The following MTCL1 variants were observed in gnomAD, a reference collection of about 807,000 sequenced individuals.
The protein encoded by MTCL1 is microtubule cross-linking factor 1.
MTCL1 carries 79 observed loss-of-function variants against 141.4 expected under a neutral mutation model. The ratio of observed to expected loss-of-function variants is 0.56; its 90% CI spans 0.47 to 0.67. The LOEUF (loss-of-function observed/expected upper bound fraction) is 0.67. MTCL1 is among the 30% of genes least tolerant of loss of function. The pLI is 0.00. For missense variants in MTCL1, 2,177 were observed against 2,113.9 expected, an observed-to-expected ratio of 1.03 and a Z score of -0.59; for synonymous variants, 914 against 875.8, an observed-to-expected ratio of 1.04 and a Z score of -0.77.
chr18:8,725,153 TAAC>T (rs1473818892), intron 4 of MTCL1, among the ~76,000 whole-genome samples: 1 of 151,940 alleles, frequency 6.6e-6, no homozygotes, highest in African/African-American at 2.4e-5. Flanking sequence ...TAGACACAAA[TAAC>T]AACTAGCCAG....
upstream of MTCL1, among the ~76,000 whole-genome samples, chr18:8,715,484 G>A (rs1184080113): frequency 6.6e-6 from 1 of 152,198 alleles, no homozygotes; most frequent in Non-Finnish European, 1.5e-5. Flanking sequence ...ATTTGTATGT[G>A]TGGATATACA....
At chr18:8,774,248 T>C (rs1473483719) in intron 4 of MTCL1, among the ~76,000 whole-genome samples, 2 of 117,556 alleles carry the variant, frequency 1.7e-5, no homozygotes, top group Non-Finnish European at 3.6e-5. Flanking sequence ...CACACACTCT[T>C]TTCGAATGTG....
intron 11 of MTCL1, chr18:8,809,646 AGTGGCCGGGCCTG>A (rs2076414229): frequency 1.3e-6 from 2 of 1,516,626 alleles, no homozygotes; most frequent in Non-Finnish European, 1.8e-6. Flanking sequence ...GCAAGTAGAG[AGTGGCCGGGCCTG>A]GTGGCCGGTT....
Position 8,793,236 on chromosome 18 carries a change from C to T in MTCL1, c.2010+116C>T. Reference sequence around the variant, plus strand: ...TCTGTTGCGTACAGGCTGCTAGACTCCTGGGCACGTATGGAAAGGTCACCC... The same window carrying T: ...TCTGTTGCGTACAGGCTGCTAGACTTCTGGGCACGTATGGAAAGGTCACCC... On this transcript the variant is annotated intron_variant, in intron 8 of 16. Coordinates refer to ENST00000359865, the Ensembl canonical transcript of MTCL1. 4 of 1,458,310 alleles carry T rather than the reference C, an allele frequency of 2.7e-6. No individual in the cohort carries two copies. The South Asian group carries it at 3.8e-5, about 14-fold the overall frequency. 90.3% of individuals were successfully genotyped at this position (1,458,310 alleles called of 1,614,324 possible). A position where few individuals can be genotyped will look rare whatever the true frequency, so the allele number is the denominator to read the frequency against.
intron 4 of MTCL1, among the ~76,000 whole-genome samples, chr18:8,761,672 G>A (rs1216968585): frequency 6.6e-6 from 1 of 152,216 alleles, no homozygotes; most frequent in Non-Finnish European, 1.5e-5. Flanking sequence ...ACATGGCTGG[G>A]GAGACCTTAC....
chr18:8,826,235 A>T lies in MTCL1; in HGVS notation c.4722+3A>T. ...CAGCCGAGCCAGGGCCCATGGAGGTAATGAATGCTGAGTGCCCCACACCCT... is the reference window on the plus strand; with the variant it reads ...CAGCCGAGCCAGGGCCCATGGAGGTTATGAATGCTGAGTGCCCCACACCCT... On this transcript the variant is annotated splice_donor_region_variant and intron_variant, in intron 15 of 16. Transcript: ENST00000359865. The T allele has an allele frequency of 1.9e-6, 3 of 1,584,058 alleles. No homozygotes were observed. Among genetic ancestry groups the T allele is most frequent in the Non-Finnish European group, 2.6e-6 (3 of 1,164,588 alleles).
At chr18:8,716,197 CAAG>C (rs574203484), upstream of MTCL1, among the ~76,000 whole-genome samples, 66 of 152,256 alleles carry the variant, frequency 4.3e-4, no homozygotes, top group African/African-American at 1.3e-3. Context: ...ACTTAGGAGC[CAAG>C]AAGAAGAACA....
intron 4 of MTCL1, among the ~76,000 whole-genome samples, chr18:8,742,284 G>GCTCTCCCT (rs372103839): frequency 5.9e-4 from 90 of 152,208 alleles, no homozygotes; most frequent in South Asian, 8.3e-4. Context: ...TCCCTCTCCT[G>GCTCTCCCT]CTCTCCCTCT....
intron 4 of MTCL1, among the ~76,000 whole-genome samples, chr18:8,763,410 A>G (rs1176836914): frequency 6.6e-6 from 1 of 152,154 alleles, no homozygotes; most frequent in East Asian, 1.9e-4. Flanking sequence ...CATTTTTTCC[A>G]ATTGGATGCC....
At position 8,781,704 on chromosome 18, in the gene MTCL1, G is replaced by A. The variant is rs554332186; in HGVS notation, c.418-1826G>A. 6.6e-5 allele frequency among the ~76,000 whole-genome samples: 10 copies of A among 152,278 alleles called. No individual in the cohort carries two copies. In the South Asian group the frequency reaches 1.0e-3, roughly 16 times the overall value. On this transcript the variant is annotated intron_variant, in intron 5 of 16. Coordinates refer to ENST00000359865, the Ensembl canonical transcript of MTCL1. Reference sequence around the variant, plus strand: ...TATTTCATTTGACCCTCACAACGACGTTGTGGTTAAGTGAGCATTCCTGCT... The same window carrying A: ...TATTTCATTTGACCCTCACAACGACATTGTGGTTAAGTGAGCATTCCTGCT...
chr18:8,777,051 G>T (rs1439847636), intron 4 of MTCL1, among the ~76,000 whole-genome samples: 1 of 152,088 alleles, frequency 6.6e-6, no homozygotes, highest in African/African-American at 2.4e-5. Context: ...TGGCTAACAC[G>T]GTGAAACCCC....
At chr18:8,809,633 G>A (rs953269749) in intron 11 of MTCL1, 32 of 1,524,468 alleles carry the variant, frequency 2.1e-5, no homozygotes, top group Admixed American at 6.0e-5. Flanking sequence ...TGAAAAAAAC[G>A]GAGCAAGTAG....
intron 16 of MTCL1, chr18:8,831,147 T>C (rs1286187786): frequency 4.0e-6 from 4 of 989,104 alleles, no homozygotes; most frequent in South Asian, 9.3e-5. Flanking sequence ...CTGAATGAAA[T>C]CAGAGGTCTC....
At chr18:8,804,211 G>T (rs1286051998) in intron 10 of MTCL1, among the ~76,000 whole-genome samples, 1 of 151,190 alleles carries the variant, frequency 6.6e-6, no homozygotes, top group African/African-American at 2.4e-5. Flanking sequence ...AAAGATTGTT[G>T]TGACACCTCT....
At chr18:8,731,059 C>T in intron 4 of MTCL1, among the ~76,000 whole-genome samples, 1 of 151,864 alleles carries the variant, frequency 6.6e-6, no homozygotes, top group East Asian at 1.9e-4. Context: ...TCCTGGCTAA[C>T]ACGGTGAAAC....
exon 8 of MTCL1, chr18:8,793,026 A>G: frequency 6.2e-7 from 1 of 1,614,112 alleles, no homozygotes; most frequent in Non-Finnish European, 8.5e-7. Flanking sequence ...TTACCTGAGC[A>G]GAGTGTATCC....
intron 4 of MTCL1, among the ~76,000 whole-genome samples, chr18:8,739,582 C>T (rs1291356839): frequency 1.3e-5 from 2 of 152,160 alleles, no homozygotes; most frequent in Admixed American, 6.5e-5. Flanking sequence ...AATTGAGAAA[C>T]TGGCAAGTTC....
At chr18:8,778,200 TTTGACCTTCAAAGTCATCCA>T (rs2096519206) in intron 5 of MTCL1, among the ~76,000 whole-genome samples, 2 of 152,224 alleles carry the variant, frequency 1.3e-5, no homozygotes, top group African/African-American at 2.4e-5. Context: ...TAAAAAGTGT[TTTGACCTTCAAAGTCATCCA>T]CACAGTGAAA....
In MTCL1 at chr18:8,822,956, G is replaced by A. The variant is rs1350297541; in HGVS notation, c.3188+1458G>A. Among the ~76,000 whole-genome samples, 7 of 151,882 alleles carry A rather than the reference G, an allele frequency of 4.6e-5. No individual in the cohort carries two copies. Among genetic ancestry groups the A allele is most frequent in the Admixed American group, 1.3e-4 (2 of 15,256 alleles). ...GGAAAATTGACCGAACCCGGGAGGC[G>A]GAGGTTGCAGTGAACCGAGATTGCG... On this transcript the variant is annotated intron_variant, in intron 14 of 16. Transcript: ENST00000359865. This position sits in a 1 kb window ranked among gnomAD's most constrained non-coding sequence, Gnocchi z 4.6.
Sources: allele counts gnomAD v4.1 joint callset (sites outside exome capture counted in the v4.1 genomes callset), GRCh38; gene constraint gnomAD v4.1.1; non-coding constraint Gnocchi (gnomAD v3.1); transcripts MANE v1.5; gene names NCBI Gene and HGNC (gene_info 2026-07-23, HGNC 2026-07-21).